RYR2: variants seen among roughly 807,000 people sequenced by gnomAD.
RYR2 encodes the protein cardiac muscle ryanodine receptor-calcium release channel.
RYR2 carries 227 observed loss-of-function variants against 601.1 expected under a neutral mutation model. That is an observed-to-expected ratio of 0.38 (90% CI 0.34 to 0.42). RYR2 has a LOEUF of 0.42. RYR2 is among the 10% of genes least tolerant of loss of function. The probability of loss-of-function intolerance (pLI) is 1.00; values close to 1 mark genes in which losing one functional copy is unlikely to be tolerated. For missense variants in RYR2, 4,646 were observed against 6,156.5 expected (o/e 0.75, Z 8.21); for synonymous variants, 2,223 against 2,175.1 (o/e 1.02, Z -0.61).
At chr1:237,441,271 A>G in intron 12 of RYR2, 48 bp from the exon 13 acceptor site, 1 of 1,601,870 alleles carries the variant, frequency 6.2e-7, no homozygotes. Flanking sequence ...GCCATACACT[A>G]GTATTTTTGA....
chr1:237,072,643 G>A (rs1473202575), intron 1 of RYR2, among the ~76,000 whole-genome samples: 1 of 152,154 alleles, frequency 6.6e-6, no homozygotes, highest in Non-Finnish European at 1.5e-5. Flanking sequence ...ATCTTTTAGT[G>A]TTTGCCAGAG....
At position 237,804,217 on chromosome 1, in the gene RYR2, C is replaced by G. The variant is rs561662220; in HGVS notation, c.14152-1920C>G. 3.9e-5 allele frequency among the ~76,000 whole-genome samples: 6 copies of G among 151,948 alleles called. No homozygotes were observed. In the South Asian group the frequency reaches 1.3e-3, roughly 32 times the overall value. ...TCCTTGAACTTGCCCTCAAGCCTCT[C>G]CAACACTGCCACACTTTTCCAACTT... On this transcript the variant is annotated intron_variant, in intron 98 of 104. Coordinates refer to ENST00000366574, the MANE Select transcript of RYR2 (RefSeq NM_001035.3).
chr1:237,143,116 G>A (rs565156731), intron 1 of RYR2, among the ~76,000 whole-genome samples: 1 of 152,280 alleles, frequency 6.6e-6, no homozygotes, highest in African/African-American at 2.4e-5. Flanking sequence ...ATTTGCCAGG[G>A]CACAAAAGTA....
chr1:237,604,163 T>C (rs1215098936), intron 35 of RYR2, among the ~76,000 whole-genome samples: 1 of 152,160 alleles, frequency 6.6e-6, no homozygotes, highest in Non-Finnish European at 1.5e-5. Flanking sequence ...ATTGACCACA[T>C]AGTTGGAAGT....
At chr1:237,268,954 A>AACAAAC (rs1337305310) in intron 1 of RYR2, among the ~76,000 whole-genome samples, 12 of 149,158 alleles carry the variant, frequency 8.0e-5, no homozygotes, top group Admixed American at 2.0e-4. Flanking sequence ...AAAAAAAAAA[A>AACAAAC]AAAAAAAGGA....
chr1:237,273,906 CA>C (rs1236611191), intron 2 of RYR2, among the ~76,000 whole-genome samples: 1 of 145,454 alleles, frequency 6.9e-6, no homozygotes, highest in Non-Finnish European at 1.5e-5. Context: ...ATAAACATAA[CA>C]AAACATACAA....
chr1:237,611,115 A>G (rs1049475144), intron 36 of RYR2, 127 bp downstream of exon 36: 8 of 736,304 alleles, frequency 1.1e-5, no homozygotes, highest in Middle Eastern at 3.8e-4. Flanking sequence ...ACAAAGATCT[A>G]AATTCTTTAG....
chr1:237,759,977 G>T (rs116318684), intron 83 of RYR2, 125 bp downstream of exon 83: 6 of 680,484 alleles, frequency 8.8e-6, no homozygotes, highest in African/African-American at 1.8e-5. Flanking sequence ...CTTTAAAGTG[G>T]GATAATCGGC....
At chr1:237,806,384 A>C (rs1197941005) in intron 99 of RYR2, 101 bp downstream of exon 99, 1 of 1,236,996 alleles carries the variant, frequency 8.1e-7, no homozygotes, top group African/African-American at 1.5e-5. Flanking sequence ...TACAGTTTTA[A>C]AGATTTTTTT....
intron 10 of RYR2, among the ~76,000 whole-genome samples, chr1:237,400,943 A>T (rs1427547509): frequency 6.6e-6 from 1 of 152,184 alleles, no homozygotes; most frequent in Non-Finnish European, 1.5e-5. Flanking sequence ...AAAATTGTAC[A>T]AATCTCCCTA....
intron 92 of RYR2, among the ~76,000 whole-genome samples, chr1:237,788,823 C>G (rs1487648843): frequency 4.6e-5 from 7 of 151,982 alleles, no homozygotes; most frequent in African/African-American, 1.7e-4. Context: ...CTCTCTATGT[C>G]TATTCATATT....
chr1:237,623,848 T>G lies in RYR2; in HGVS notation c.6000T>G (p.His2000Gln), dbSNP rs369182325. 2 of 1,610,994 alleles carry G rather than the reference T, an allele frequency of 1.2e-6. No individual in the cohort carries two copies. The highest frequency in any genetic ancestry group is 2.7e-5 in the African/African-American group (2 of 74,862). The change falls in exon 39 of 105, where the codon CAT becomes CAG. Residue 2000 changes from histidine to glutamine, a missense_variant. By Grantham distance (24) the His-to-Gln change is conservative. Transcript: ENST00000366574. The stretch of plus-strand genomic sequence containing the variant: ...TTCGTGACCAACTATTGGATTTCCA[T>G]GAAGATTTGATGACACATTGTGGTA... ...EEIRDQLLDF[H>Q]EDLMTHCGIE...
chr1:237,473,145 C>T (rs1340649618), intron 17 of RYR2, among the ~76,000 whole-genome samples: 1 of 151,880 alleles, frequency 6.6e-6, no homozygotes, highest in Non-Finnish European at 1.5e-5. Context: ...ATTTGGTGGG[C>T]GGGTGTGGTG....
rs1558163816 is a variant in RYR2 at position 237,061,265 on chromosome 1, TATCCATCTATC to T, written c.48+18700_48+18710del. Among the ~76,000 whole-genome samples, 482 of 88,706 alleles carry T rather than the reference TATCCATCTATC, an allele frequency of 5.4e-3. 2 individuals carry two copies. Among genetic ancestry groups the T allele is most frequent in the South Asian group, 0.02 (55 of 2,740 alleles). The allele number at this position is 88,706 out of a possible 152,430, so 58.2% of individuals were successfully genotyped here. A position where few individuals can be genotyped will look rare whatever the true frequency, so the allele number is the denominator to read the frequency against. On this transcript the variant is annotated intron_variant, in intron 1 of 104. Coordinates refer to ENST00000366574, the MANE Select transcript of RYR2 (RefSeq NM_001035.3). ...TCTATCTATCTATCATCTATCTATC[TATCCATCTATC>T]ATCTATCTATCTATCTATCTATCTA...
At chr1:237,536,584 G>A (rs1027719227) in intron 25 of RYR2, among the ~76,000 whole-genome samples, 1 of 151,970 alleles carries the variant, frequency 6.6e-6, no homozygotes, top group African/African-American at 2.4e-5. Context: ...GCGTGGTGGC[G>A]GGCGCCTGTA....
chr1:237,381,456 A>G (rs1024343805), intron 8 of RYR2, among the ~76,000 whole-genome samples: 1 of 152,164 alleles, frequency 6.6e-6, no homozygotes, highest in African/African-American at 2.4e-5. Flanking sequence ...TCTGATAACA[A>G]ATTAGTTAAA....
intron 1 of RYR2, among the ~76,000 whole-genome samples, chr1:237,219,010 A>ATTTTTTT (rs754644450): frequency 8.2e-6 from 1 of 121,732 alleles, no homozygotes. Flanking sequence ...CTTATACTTG[A>ATTTTTTT]TTTTTTTTTT....
At chr1:237,145,504 G>T (rs1365137010) in intron 1 of RYR2, among the ~76,000 whole-genome samples, 3 of 152,142 alleles carry the variant, frequency 2.0e-5, no homozygotes, top group African/African-American at 7.2e-5. Context: ...TTTCTGATGG[G>T]TACTCCTAGA....
chr1:237,269,314 A>G (rs955796098), intron 1 of RYR2, among the ~76,000 whole-genome samples: 1 of 151,482 alleles, frequency 6.6e-6, no homozygotes, highest in Non-Finnish European at 1.5e-5. Context: ...AAGTGCTGGG[A>G]TTATAGGTGT....
Sources: allele counts gnomAD v4.1 joint callset (sites outside exome capture counted in the v4.1 genomes callset), GRCh38; gene constraint gnomAD v4.1.1; transcripts MANE v1.5; gene names NCBI Gene and HGNC (gene_info 2026-07-23, HGNC 2026-07-21).